WDR72: variants seen among roughly 807,000 people sequenced by gnomAD.
The protein encoded by WDR72 is WD repeat-containing protein 72.
WDR72 carries 120 observed loss-of-function variants against 124.2 expected under a neutral mutation model. The observed-to-expected ratio is 0.97, with a 90% CI of 0.83 to 1.12. WDR72 has a LOEUF of 1.12. WDR72 is among the 50% of genes most tolerant of loss of function. The pLI is 0.00. For missense variants in WDR72, 1,387 were observed against 1,278.8 expected (o/e 1.08, Z -1.29); for synonymous variants, 452 against 441.7 (o/e 1.02, Z -0.29).
At chr15:53,546,407 C>T (rs577420845) in intron 18 of WDR72, among the ~76,000 whole-genome samples, 81 of 150,270 alleles carry the variant, frequency 5.4e-4, no homozygotes, top group South Asian at 1.1e-3. Context: ...AGTAAACTAT[C>T]GCAAGAACAA....
At chr15:53,654,728 T>C (rs1310408554) in intron 14 of WDR72, among the ~76,000 whole-genome samples, 2 of 152,220 alleles carry the variant, frequency 1.3e-5, no homozygotes, top group Non-Finnish European at 2.9e-5. Flanking sequence ...CAGATGTATA[T>C]TGAGGGCATA....
At chr15:53,620,646 C>T (rs1001511358) in intron 14 of WDR72, among the ~76,000 whole-genome samples, 4 of 152,036 alleles carry the variant, frequency 2.6e-5, no homozygotes, top group African/African-American at 7.2e-5. Context: ...CAAAAATCAA[C>T]CCATGATGGA....
rs754226347 is a variant in WDR72 at position 53,715,260 on chromosome 15, A to G, written c.447T>C (p.Ser149=). The G allele has an allele frequency of 2.5e-6, 4 of 1,614,040 alleles. No homozygotes were observed. The East Asian group carries it at 6.7e-5, about 27-fold the overall frequency. The change falls in exon 5 of 20, where the codon AGT becomes AGC. Residue 149 remains serine (S), a synonymous_variant. Transcript: ENST00000360509. ...IDAKTLAVVH[S]FRSSQFPDWI... ...AGTCAGGAAACTGAGATGATCTAAA[A>G]CTGTGAACAACAGCCAAAGTTTTGG...
intron 1 of WDR72, among the ~76,000 whole-genome samples, chr15:53,739,327 A>G (rs144960468): frequency 6.6e-6 from 1 of 152,304 alleles, no homozygotes; most frequent in Non-Finnish European, 1.5e-5. Context: ...CCCTTAGTGT[A>G]AGAGCAAATT....
chr15:53,714,398 A>G lies in WDR72; in HGVS notation c.591+36T>C, dbSNP rs758469501. 2.0e-6 allele frequency: 3 copies of G among 1,524,424 alleles called. No individual in the cohort carries two copies. The South Asian group carries it at 3.4e-5, about 17-fold the overall frequency. The allele number at this position is 1,524,424 out of a possible 1,614,324, so 94.4% of individuals were successfully genotyped here. A position where few individuals can be genotyped will look rare whatever the true frequency, so the allele number is the denominator to read the frequency against. ...ATAAATTTTAATGAATATGCTTGAA[A>G]TTGTAAGGAAAAAAGAGTAGGGTTC... On this transcript the variant is annotated intron_variant, in intron 6 of 19. Transcript: ENST00000360509.
intron 3 of WDR72, 71 bp downstream of exon 3, chr15:53,722,731 T>C (rs2017911291): frequency 9.6e-6 from 13 of 1,347,970 alleles, no homozygotes; most frequent in Non-Finnish European, 1.4e-5. Context: ...AGCCCTAAAA[T>C]TGTATTCCAT....
intron 18 of WDR72, among the ~76,000 whole-genome samples, chr15:53,535,363 G>A (rs776509345): frequency 6.6e-6 from 1 of 152,120 alleles, no homozygotes; most frequent in Non-Finnish European, 1.5e-5. Context: ...TTCCCATGCT[G>A]GGTATCGACA....
At chr15:53,582,551 T>C (rs1041288389) in intron 18 of WDR72, among the ~76,000 whole-genome samples, 2 of 151,956 alleles carry the variant, frequency 1.3e-5, no homozygotes, top group Non-Finnish European at 2.9e-5. Flanking sequence ...TAGAAAAATC[T>C]TATGGGCTTG....
chr15:53,616,946 A>G (rs1039264281), intron 14 of WDR72, among the ~76,000 whole-genome samples: 1 of 151,846 alleles, frequency 6.6e-6, no homozygotes, highest in African/African-American at 2.4e-5. Context: ...TCTTTATTGT[A>G]TGTTTCCTCC....
chr15:53,556,119 A>G (rs1335284847), intron 18 of WDR72, among the ~76,000 whole-genome samples: 1 of 152,160 alleles, frequency 6.6e-6, no homozygotes, highest in African/African-American at 2.4e-5. Context: ...GCTCTATTTT[A>G]ATTGCCAGTG....
At chr15:53,557,518 G>A (rs185597547) in intron 18 of WDR72, among the ~76,000 whole-genome samples, 3 of 152,180 alleles carry the variant, frequency 2.0e-5, no homozygotes, top group Admixed American at 2.0e-4. Flanking sequence ...TTCTAATGTT[G>A]TATCTGGATG....
chr15:53,540,657 C>G lies in WDR72; in HGVS notation c.3149-17335G>C, dbSNP rs375459225. Among the ~76,000 whole-genome samples, 63 of 151,870 alleles carry G rather than the reference C, an allele frequency of 4.1e-4. 1 individual carries two copies. The highest frequency in any genetic ancestry group is 8.5e-4 in the Admixed American group (13 of 15,258). The stretch of plus-strand genomic sequence containing the variant: ...CAGGAGGAGCCAAGATGGCTGAATA[C>G]GAACAGCTCCGGTCTACAGCTCCCA... On this transcript the variant is annotated intron_variant, in intron 18 of 19. Coordinates refer to ENST00000360509, the MANE Select transcript of WDR72 (RefSeq NM_182758.4).
At chr15:53,710,290 T>C (rs1180955571) in intron 9 of WDR72, among the ~76,000 whole-genome samples, 2 of 152,192 alleles carry the variant, frequency 1.3e-5, no homozygotes, top group African/African-American at 4.8e-5. Flanking sequence ...CAATGTTTTG[T>C]CACACCATTT....
chr15:53,658,018 G>A (rs1240436504), intron 14 of WDR72, among the ~76,000 whole-genome samples: 1 of 152,086 alleles, frequency 6.6e-6, no homozygotes, highest in Non-Finnish European at 1.5e-5. Context: ...CATTATACTG[G>A]CATTTTCCAT....
rs184079049 is a variant in WDR72, at chr15:53,601,151, A to G, written c.2953-3877T>C. Among the ~76,000 whole-genome samples the G allele has an allele frequency of 1.3e-4, 20 of 152,282 alleles. No homozygotes were observed. The East Asian group carries it at 3.3e-3, about 25-fold the overall frequency. On this transcript the variant is annotated intron_variant, in intron 17 of 19. Coordinates refer to ENST00000360509, the MANE Select transcript of WDR72 (RefSeq NM_182758.4). ...ACAAAGGGAAGCCCATTAGACTAAC[A>G]GTGGGCCTCTTAGTGGAAACCCTGC...
At chr15:53,577,722 T>C (rs766881911) in intron 18 of WDR72, among the ~76,000 whole-genome samples, 10 of 152,146 alleles carry the variant, frequency 6.6e-5, no homozygotes, top group Admixed American at 6.6e-5. Flanking sequence ...TAAGTGAGAA[T>C]AAGAATCCGA....
intron 2 of WDR72, among the ~76,000 whole-genome samples, chr15:53,729,197 C>G (rs1306328094): frequency 6.6e-6 from 1 of 152,094 alleles, no homozygotes; most frequent in Non-Finnish European, 1.5e-5. Context: ...ATCCTCTCTT[C>G]TTAATGTCTT....
intron 13 of WDR72, among the ~76,000 whole-genome samples, chr15:53,696,765 C>T (rs188831233): frequency 2.0e-5 from 3 of 152,226 alleles, no homozygotes; most frequent in African/African-American, 4.8e-5. Flanking sequence ...TAAATTGTAA[C>T]CAAAATTAAA....
rs1312531379 is a variant in WDR72, at chr15:53,668,986, AAGGAGG to A, written c.1766-3224_1766-3219del. ...GAAGGAGGAGGAGGAGGAGAAGGAG[AAGGAGG>A]AGGAGAAGGAGAAGGAGAAGGAGAA... is the stretch of plus-strand genomic sequence containing the variant. On this transcript the variant is annotated intron_variant, in intron 13 of 19. Coordinates refer to ENST00000360509, the MANE Select transcript of WDR72 (RefSeq NM_182758.4). Among the ~76,000 whole-genome samples the A allele has an allele frequency of 1.2e-3, 109 of 92,760 alleles. 3 individuals are homozygous for A. The highest frequency in any genetic ancestry group is 3.0e-3 in the East Asian group (6 of 2,016). 60.9% of individuals were successfully genotyped at this position (92,760 alleles called of 152,430 possible). A position where few individuals can be genotyped will look rare whatever the true frequency, so the allele number is the denominator to read the frequency against.
Sources: allele counts gnomAD v4.1 joint callset (sites outside exome capture counted in the v4.1 genomes callset), GRCh38; gene constraint gnomAD v4.1.1; transcripts MANE v1.5; gene names NCBI Gene and HGNC (gene_info 2026-07-23, HGNC 2026-07-21).